Variants in DOCK7 observed in about 807,000 individuals in gnomAD.
DOCK7 encodes the protein dedicator of cytokinesis 7.
Under a neutral mutation model 271.0 loss-of-function variants are expected in DOCK7, and 138 were observed. The observed-to-expected ratio is 0.51, with a 90% CI of 0.44 to 0.59. The LOEUF is 0.59. DOCK7 is among the 20% of genes least tolerant of loss of function. The probability of loss-of-function intolerance (pLI) is 0.00; values close to 1 mark genes in which losing one functional copy is unlikely to be tolerated. For synonymous variants in DOCK7, 823 were observed against 876.1 expected (o/e 0.94, Z 1.07); for missense variants, 2,066 against 2,592.4 (o/e 0.80, Z 4.41).
chr1:62,651,445 A>T (rs902105777), intron 4 of DOCK7, among the ~76,000 whole-genome samples: 2 of 39,184 alleles, frequency 5.1e-5, no homozygotes, highest in African/African-American at 1.6e-4. Context: ...AACTTAAAGT[A>T]TAATAAAAAA....
At chr1:62,505,916 T>C (rs2149323192) in intron 35 of DOCK7, 100 bp from the exon 36 acceptor site, 1 of 1,152,636 alleles carries the variant, frequency 8.7e-7, no homozygotes, top group East Asian at 2.6e-5. Flanking sequence ...TCCCTGTATG[T>C]ATAAGTAAAG....
At chr1:62,581,217 G>A (rs1164835620) in intron 16 of DOCK7, among the ~76,000 whole-genome samples, 3 of 152,050 alleles carry the variant, frequency 2.0e-5, no homozygotes, top group Non-Finnish European at 4.4e-5. Flanking sequence ...AGAATGAGTA[G>A]GAGTTCAATA....
At chr1:62,532,375 G>A (rs1400169040) in intron 29 of DOCK7, among the ~76,000 whole-genome samples, 1 of 152,016 alleles carries the variant, frequency 6.6e-6, no homozygotes, top group Non-Finnish European at 1.5e-5. Flanking sequence ...GTCTCACTCT[G>A]TCACCCAGGC....
At chr1:62,460,430 T>C (rs138202769) in intron 48 of DOCK7, among the ~76,000 whole-genome samples, 2 of 152,248 alleles carry the variant, frequency 1.3e-5, no homozygotes, top group East Asian at 3.9e-4. Context: ...TTACATTATA[T>C]ATTAGGTATT....
At chr1:62,479,669 G>GT in intron 43 of DOCK7, 1 of 320,992 alleles carries the variant, frequency 3.1e-6, no homozygotes, top group Non-Finnish European at 6.5e-6. Context: ...CCTACTTTTT[G>GT]TTTTTTATTT....
chr1:62,673,306 G>A (rs1205869750), intron 1 of DOCK7, among the ~76,000 whole-genome samples: 2 of 151,884 alleles, frequency 1.3e-5, no homozygotes, highest in Admixed American at 1.3e-4. Context: ...ACACTATTTT[G>A]GGGATAACAT....
intron 31 of DOCK7, 35 bp downstream of exon 31, chr1:62,528,116 T>C (rs1645068096): frequency 6.3e-7 from 1 of 1,578,546 alleles, no homozygotes; most frequent in African/African-American, 1.4e-5. Flanking sequence ...TTTGTCTTTC[T>C]AGAAAAAAAA....
At chr1:62,544,855 G>T in intron 23 of DOCK7, 92 bp downstream of exon 23, 2 of 995,164 alleles carry the variant, frequency 2.0e-6, no homozygotes, top group Non-Finnish European at 2.9e-6. Context: ...ATTAAAAAAA[G>T]CAAGCCACTG....
chr1:62,683,551 G>C (rs546951169), intron 1 of DOCK7, among the ~76,000 whole-genome samples: 81 of 152,252 alleles, frequency 5.3e-4, no homozygotes, highest in African/African-American at 1.9e-3. Flanking sequence ...GAAGGACTAA[G>C]AAAGCTGGCA....
At chr1:62,579,596 G>C (rs1392708252) in intron 16 of DOCK7, among the ~76,000 whole-genome samples, 5 of 150,974 alleles carry the variant, frequency 3.3e-5, no homozygotes, top group Admixed American at 6.6e-5. Context: ...TAGCTACTTG[G>C]GAGGCCGAGA....
rs1414626798 is a variant in DOCK7 at position 62,537,901 on chromosome 1, G to A, written c.3461C>T (p.Ala1154Val). The A allele has an allele frequency of 7.4e-6, 12 of 1,613,122 alleles. No individual in the cohort carries two copies. The highest frequency in any genetic ancestry group is 1.3e-5 in the African/African-American group (1 of 74,896). The change falls in exon 28 of 50, where the codon GCA (alanine) becomes GTA (valine). Residue 1154 changes from alanine (A) to valine (V), a missense_variant. This residue lies in a region of DOCK7 where 1,414 missense variants were observed against 1,670.4 expected (regional missense o/e 0.85). Coordinates refer to ENST00000635253, the MANE Select transcript of DOCK7 (RefSeq NM_001367561.1). ...ACACAATTTGCATACCTGAGATGTT[G>A]CAGAAGAAACAGAAGGTGATGGAGA... ...PASPSPSVSS[A>V]TSQSSGFSTN...
In DOCK7 at chr1:62,620,815, C is replaced by T. The variant is rs1467816070; in HGVS notation, c.1426-822G>A. The stretch of plus-strand genomic sequence containing the variant: ...AGGAGAATGGCGTGAACTCGGGAGG[C>T]GGAGCTTGCAGTGAGCTGAGTTCGC... On this transcript the variant is annotated intron_variant, in intron 12 of 49. Transcript: ENST00000635253. Among the ~76,000 whole-genome samples the T allele has an allele frequency of 2.2e-5, 3 of 135,886 alleles. No homozygotes were observed. In the Admixed American group the frequency reaches 2.4e-4, roughly 11 times the overall value. 89.1% of individuals were successfully genotyped at this position (135,886 alleles called of 152,430 possible). A position where few individuals can be genotyped will look rare whatever the true frequency, so the allele number is the denominator to read the frequency against.
chr1:62,642,043 C>T (rs1305751752), intron 7 of DOCK7, among the ~76,000 whole-genome samples: 2 of 150,554 alleles, frequency 1.3e-5, no homozygotes, highest in Non-Finnish European at 3.0e-5. Context: ...TAGTTTAGTC[C>T]ATTTATACTT....
At chr1:62,670,634 G>T (rs1156862258) in intron 1 of DOCK7, among the ~76,000 whole-genome samples, 1 of 152,132 alleles carries the variant, frequency 6.6e-6, no homozygotes, top group Non-Finnish European at 1.5e-5. Flanking sequence ...GTATCTAGCT[G>T]CTCTGGTGGG....
chr1:62,626,430 A>G (rs1035547084), intron 11 of DOCK7, among the ~76,000 whole-genome samples: 2 of 152,056 alleles, frequency 1.3e-5, no homozygotes, highest in South Asian at 2.1e-4. Flanking sequence ...AGAAAAATCA[A>G]TTAAACCAAA....
intron 43 of DOCK7, among the ~76,000 whole-genome samples, chr1:62,479,261 C>T (rs576623548): frequency 1.2e-3 from 141 of 117,784 alleles, no homozygotes; most frequent in South Asian, 1.1e-3. Flanking sequence ...CCTTAATTTA[C>T]CAGTTTTATA....
Position 62,455,411 on chromosome 1 carries a change from A to T in DOCK7, c.*3T>A. 6.2e-7 allele frequency: 1 copy of T among 1,613,514 alleles called. No individual in the cohort carries two copies. The highest frequency in any genetic ancestry group is 1.1e-5 in the South Asian group (1 of 91,054). ...GCAGATGAATAAAACAAGTGCATTC[A>T]GTTTAGAGATCCATTTTGCGAAGGC... On this transcript the variant is annotated 3_prime_UTR_variant, in exon 50 of 50. Transcript: ENST00000635253.
At chr1:62,549,211 C>A (rs1645811276) in intron 22 of DOCK7, among the ~76,000 whole-genome samples, 1 of 151,924 alleles carries the variant, frequency 6.6e-6, no homozygotes, top group Non-Finnish European at 1.5e-5. Flanking sequence ...ATGAATAAAT[C>A]ACAGAGGAAA....
chr1:62,547,717 T>C (rs570903351), intron 22 of DOCK7, among the ~76,000 whole-genome samples: 32 of 152,286 alleles, frequency 2.1e-4, no homozygotes, highest in Middle Eastern at 3.4e-3. Context: ...TAACTGAATG[T>C]TAAAAGACGA....
Sources: gnomAD v4.1 joint callset for allele counts (sites outside exome capture counted in the v4.1 genomes callset) on GRCh38, gnomAD v4.1.1 for gene constraint, gnomAD v4.1.1 regional missense constraint, MANE v1.5 for transcripts, NCBI Gene and HGNC (gene_info 2026-07-23, HGNC 2026-07-21) for gene names.